Variants in ATXN7 observed in about 807,000 individuals in gnomAD.
ATXN7 encodes the protein ataxin-7.
A neutral mutation model predicts 70.5 loss-of-function variants in ATXN7; 12 were observed. The observed-to-expected ratio is 0.17, with a 90% confidence interval of 0.11 to 0.28. The LOEUF is 0.28. ATXN7 is among the 10% of genes least tolerant of loss of function. ATXN7 has a pLI of 1.00. For synonymous variants in ATXN7, 498 were observed against 448.7 expected (o/e 1.11, Z -1.39); for missense variants, 1,256 against 1,131.7 (o/e 1.11, Z -1.58).
chr3:63,974,309 A>G (rs146671400), intron 5 of ATXN7, among the ~76,000 whole-genome samples: 72 of 152,384 alleles, frequency 4.7e-4, no homozygotes, highest in African/African-American at 1.6e-3. Flanking sequence ...GTCATCGATG[A>G]CAAATGTTCA....
At chr3:63,877,315 C>G (rs1361845621) in intron 1 of ATXN7, among the ~76,000 whole-genome samples, 36 of 152,182 alleles carry the variant, frequency 2.4e-4, no homozygotes, top group Admixed American at 2.4e-3. Context: ...ACTCATACTT[C>G]TACCCAGAGA....
intron 1 of ATXN7, among the ~76,000 whole-genome samples, chr3:63,880,096 AAAAG>A (rs1702865661): frequency 6.6e-6 from 1 of 152,116 alleles, no homozygotes; most frequent in African/African-American, 2.4e-5. Context: ...AAAAAAGAAA[AAAAG>A]AACAGATTTT....
chr3:63,955,973 G>A (rs531235071), intron 5 of ATXN7, among the ~76,000 whole-genome samples: 8 of 152,284 alleles, frequency 5.3e-5, no homozygotes, highest in South Asian at 2.1e-4. Flanking sequence ...CTTATTATTC[G>A]GAGTAGTTAA....
chr3:63,953,592 G>A (rs949032569), intron 5 of ATXN7, among the ~76,000 whole-genome samples: 1 of 151,958 alleles, frequency 6.6e-6, no homozygotes, highest in Non-Finnish European at 1.5e-5. Context: ...GGCAAGAGAT[G>A]ACACCGGACT....
At chr3:63,919,299 C>G (rs1311858673) in intron 4 of ATXN7, among the ~76,000 whole-genome samples, 3 of 152,132 alleles carry the variant, frequency 2.0e-5, no homozygotes, top group Admixed American at 2.0e-4. Context: ...CCATATGACC[C>G]ACCAATCCCA....
At chr3:63,991,750 A>G (rs2075675042) in intron 11 of ATXN7, among the ~76,000 whole-genome samples, 1 of 152,066 alleles carries the variant, frequency 6.6e-6, no homozygotes, top group African/African-American at 2.4e-5. Context: ...TATGTACCTA[A>G]TGCTTCCCAA....
At chr3:63,873,608 A>G (rs1346648167) in intron 1 of ATXN7, 1 of 152,222 alleles carries the variant, frequency 6.6e-6, no homozygotes, top group Non-Finnish European at 1.5e-5. Context: ...GTGGGCCACT[A>G]TGAGTGGACT....
chr3:63,997,932 A>C (rs1202564798), intron 12 of ATXN7: 24 of 985,270 alleles, frequency 2.4e-5, no homozygotes, highest in Non-Finnish European at 2.9e-5. Flanking sequence ...CATTCTGATC[A>C]TGGGATTCCT....
Position 63,999,403 on chromosome 3 carries a change from C to T in ATXN7, c.2662-47C>T, listed in dbSNP as rs374390820. 6.9e-5 allele frequency: 103 copies of T among 1,489,774 alleles called. 2 individuals are homozygous for T. The Middle Eastern group carries it at 1.9e-3, about 27-fold the overall frequency. 92.3% of individuals were successfully genotyped at this position (1,489,774 alleles called of 1,614,324 possible). ...GAATCAATAGAGTGCAGTGTACAAA[C>T]GCTTACTTACCATTTCATTATTTCC... On this transcript the variant is annotated intron_variant, in intron 12 of 12. Transcript: ENST00000674280.
At chr3:63,945,237 C>T (rs2074840858) in intron 4 of ATXN7, among the ~76,000 whole-genome samples, 2 of 152,198 alleles carry the variant, frequency 1.3e-5, no homozygotes. Flanking sequence ...AACTGAGATT[C>T]AGAGAGGTTA....
chr3:63,917,075 A>G (rs1381009192), intron 4 of ATXN7, among the ~76,000 whole-genome samples: 1 of 151,880 alleles, frequency 6.6e-6, no homozygotes, highest in African/African-American at 2.4e-5. Context: ...ACCTGCCACC[A>G]CGCCTGGCTA....
chr3:63,984,618 A>G (rs2075544251), intron 8 of ATXN7, among the ~76,000 whole-genome samples: 1 of 152,196 alleles, frequency 6.6e-6, no homozygotes, highest in Non-Finnish European at 1.5e-5. Context: ...CTTTTTTCAA[A>G]CCCAAGATGT....
chr3:63,995,643 A>G lies in ATXN7; in HGVS notation c.1821A>G (p.Ser607=). The stretch of plus-strand genomic sequence containing the variant: ...TCTCTACATCCCCAGTCCTGCTCTC[A>G]TCTACCTGCATCTCCCCAAATAGCA... The part of the protein sequence containing the change: ...ATVSTSPVLL[S]STCISPNSKS... The change falls in exon 12 of 13, where the codon TCA becomes TCG. Residue 607 remains serine, a synonymous_variant. Transcript: ENST00000674280. 4 of 1,614,152 alleles carry G rather than the reference A, an allele frequency of 2.5e-6. No homozygotes were observed. Among genetic ancestry groups the G allele is most frequent in the South Asian group, 1.1e-5 (1 of 91,074 alleles).
At chr3:63,908,600 ATGT>A (rs1363241372) in intron 2 of ATXN7, among the ~76,000 whole-genome samples, 5 of 152,190 alleles carry the variant, frequency 3.3e-5, no homozygotes, top group African/African-American at 1.2e-4. Context: ...GTTTATTAAA[ATGT>A]TGTACTGGGA....
At chr3:63,881,259 G>GTAA (rs386396869) in intron 1 of ATXN7, among the ~76,000 whole-genome samples, 52 of 151,872 alleles carry the variant, frequency 3.4e-4, no homozygotes, top group Non-Finnish European at 7.1e-4. Flanking sequence ...TGATTGAGTA[G>GTAA]TACCAATGCT....
chr3:63,964,073 A>ACAC (rs2075178030), intron 5 of ATXN7, among the ~76,000 whole-genome samples: 2 of 147,080 alleles, frequency 1.4e-5, no homozygotes, highest in Admixed American at 1.4e-4. Flanking sequence ...TAGACACATA[A>ACAC]ACACACACAC....
chr3:63,997,388 T>C (rs2075777662), intron 12 of ATXN7, among the ~76,000 whole-genome samples: 1 of 152,240 alleles, frequency 6.6e-6, no homozygotes, highest in Admixed American at 6.5e-5. Flanking sequence ...AGCAGAAGAC[T>C]GAAATCTCAT....
Position 63,976,530 on chromosome 3 carries a change from G to A in ATXN7, c.500-3385G>A, listed in dbSNP as rs116683254. 4.2e-4 allele frequency among the ~76,000 whole-genome samples: 64 copies of A among 152,034 alleles called. 1 individual carries two copies. The highest frequency in any genetic ancestry group is 1.5e-3 in the African/African-American group (62 of 41,476). ...TTGAAGTAGAAAATAGACTTTTTTG[G>A]GATATTATCGATACATCAGCAGACT... On this transcript the variant is annotated intron_variant, in intron 5 of 12. Transcript: ENST00000674280.
At chr3:63,965,919 A>C (rs1414459106) in intron 5 of ATXN7, among the ~76,000 whole-genome samples, 1 of 152,210 alleles carries the variant, frequency 6.6e-6, no homozygotes, top group Non-Finnish European at 1.5e-5. Flanking sequence ...TTTCTGATGT[A>C]GGTCTTAAAA....
Sources: allele counts gnomAD v4.1 joint callset (sites outside exome capture counted in the v4.1 genomes callset), GRCh38; gene constraint gnomAD v4.1.1; transcripts MANE v1.5; gene names NCBI Gene and HGNC (gene_info 2026-07-23, HGNC 2026-07-21).